Variants in CCNK observed in about 807,000 individuals in gnomAD.
CCNK encodes the protein cyclin K.
In CCNK, 9 loss-of-function variants were observed where a neutral mutation model predicts 65.0. That is an observed-to-expected ratio of 0.14 (90% CI 0.08 to 0.24). CCNK has a LOEUF of 0.24. CCNK is among the 10% of genes least tolerant of loss of function. The pLI is 1.00. For missense variants in CCNK, 474 were observed against 720.0 expected, an observed-to-expected ratio of 0.66 and a Z score of 3.91; for synonymous variants, 279 against 270.8, an observed-to-expected ratio of 1.03 and a Z score of -0.30.
In CCNK at chr14:99,502,976, C is replaced by G; in HGVS notation, c.1003C>G (p.Arg335Gly). The change falls in exon 8 of 11, where the codon CGA becomes GGA. Residue 335 changes from arginine (R) to glycine (G), a missense_variant. This residue lies in a region of CCNK where 229 missense variants were observed against 275.5 expected (regional missense o/e 0.83). Coordinates refer to ENST00000389879, the MANE Select transcript of CCNK (RefSeq NM_001099402.2). ...GCCCAGTTCTCCCCGACAGGTTAAG[C>G]GAGCCGTGGTGAGTGGGCTAAAGCA... ...PQPSSPRQVKRAVVVSPKEEN... is the reference protein window; with the variant it reads ...PQPSSPRQVKGAVVVSPKEEN... The G allele has an allele frequency of 6.2e-7, 1 of 1,613,972 alleles. No individual in the cohort carries two copies. Among genetic ancestry groups the G allele is most frequent in the South Asian group, 1.1e-5 (1 of 91,076 alleles).
intron 4 of CCNK, 31 bp downstream of exon 4, chr14:99,495,660 G>C (rs748585481): frequency 3.8e-6 from 6 of 1,585,360 alleles, no homozygotes; most frequent in Non-Finnish European, 4.3e-6. Flanking sequence ...CTGCCTTCTG[G>C]TCTTGATTCC....
At chr14:99,489,879 C>G (rs1015281674) in intron 1 of CCNK, among the ~76,000 whole-genome samples, 1 of 152,088 alleles carries the variant, frequency 6.6e-6, no homozygotes, top group African/African-American at 2.4e-5. Context: ...ATACTCATGT[C>G]TGTACTAAAG....
chr14:99,498,015 G>A (rs1449480141), intron 4 of CCNK, among the ~76,000 whole-genome samples: 1 of 152,214 alleles, frequency 6.6e-6, no homozygotes, highest in Non-Finnish European at 1.5e-5. Flanking sequence ...AAGTCTGATT[G>A]TAGGAACATG....
At chr14:99,496,217 A>G (rs1896697822) in intron 4 of CCNK, among the ~76,000 whole-genome samples, 1 of 152,224 alleles carries the variant, frequency 6.6e-6, no homozygotes, top group Admixed American at 6.5e-5. Flanking sequence ...GACCCATGGC[A>G]GTGTTCCTCC....
intron 9 of CCNK, chr14:99,504,398 C>CTT (rs200996508): frequency 1.5e-5 from 2 of 136,978 alleles, no homozygotes; most frequent in Non-Finnish European, 3.2e-5. Context: ...GATAGAGCTA[C>CTT]TTTTTTTTTT....
In CCNK at chr14:99,502,982, G is replaced by A. The variant is rs752948207; in HGVS notation, c.1009G>A (p.Val337Met). ...PSSPRQVKRA[V>M]VVSPKEENKA... is the part of the protein sequence containing the mutation. ...TTCTCCCCGACAGGTTAAGCGAGCC[G>A]TGGTGAGTGGGCTAAAGCAGGCCCT... The change falls in exon 8 of 11, where the codon GTG (valine) becomes ATG (methionine). Residue 337 changes from valine to methionine, a missense_variant and splice_region_variant. Transcript: ENST00000389879. The A allele has an allele frequency of 1.5e-5, 25 of 1,613,962 alleles. No homozygotes were observed. The highest frequency in any genetic ancestry group is 2.2e-5 in the East Asian group (1 of 44,878).
chr14:99,505,480 A>G (rs929511047), intron 9 of CCNK: 5 of 149,000 alleles, frequency 3.4e-5, no homozygotes, highest in Non-Finnish European at 7.4e-5. Flanking sequence ...ACATGTTGAA[A>G]TAAAATTTTC....
intron 3 of CCNK, chr14:99,494,750 T>A (rs1018921309): frequency 1.3e-5 from 2 of 152,196 alleles, no homozygotes; most frequent in Non-Finnish European, 2.9e-5. Context: ...TTAGACCCAA[T>A]AATTTACACA....
chr14:99,510,829 CGACTTGCA>C lies in CCNK; in HGVS notation c.*50_*57del. 7.3e-7 allele frequency: 1 copy of C among 1,375,774 alleles called. No individual in the cohort carries two copies. Among genetic ancestry groups the C allele is most frequent in the East Asian group, 2.7e-5 (1 of 36,794 alleles). The allele number at this position is 1,375,774 out of a possible 1,614,324, so 85.2% of individuals were successfully genotyped here. On this transcript the variant is annotated 3_prime_UTR_variant, in exon 11 of 11. Transcript: ENST00000389879. ...TGTTTTTTTAACAAGATTTTCTAATCGACTTGCAGAGTAGTTGAAGTGGGTAAGCAGCA... is the reference window on the plus strand; with the variant it reads ...TGTTTTTTTAACAAGATTTTCTAATCGAGTAGTTGAAGTGGGTAAGCAGCA...
chr14:99,505,441 C>T (rs183134096), intron 9 of CCNK: 27 of 152,332 alleles, frequency 1.8e-4, no homozygotes, highest in Admixed American at 1.2e-3. Context: ...GAACGTAAGA[C>T]ATCTCATTAG....
chr14:99,504,237 A>G (rs569668353), intron 9 of CCNK: 3 of 194,602 alleles, frequency 1.5e-5, no homozygotes, highest in East Asian at 3.5e-4. Context: ...CAGTCCACCT[A>G]TCATACTGAA....
chr14:99,510,888 T>C lies in CCNK; in HGVS notation c.*106T>C. The C allele has an allele frequency of 2.0e-6, 2 of 983,192 alleles. No homozygotes were observed. Among genetic ancestry groups the C allele is most frequent in the Non-Finnish European group, 2.7e-6 (2 of 739,918 alleles). 60.9% of individuals were successfully genotyped at this position (983,192 alleles called of 1,614,324 possible). ...GGGTACCTTGTATAATGCACGACAG[T>C]TGCAGTATGGGAAGAATGGACCGGG... On this transcript the variant is annotated 3_prime_UTR_variant, in exon 11 of 11. Transcript: ENST00000389879.
chr14:99,490,874 G>A (rs889979225), intron 1 of CCNK, among the ~76,000 whole-genome samples: 1 of 150,122 alleles, frequency 6.7e-6, no homozygotes, highest in Admixed American at 6.6e-5. Flanking sequence ...CTTGCAGTGA[G>A]CCGAGATCAT....
chr14:99,482,812 A>G (rs369149762), intron 1 of CCNK, among the ~76,000 whole-genome samples: 3 of 152,338 alleles, frequency 2.0e-5, no homozygotes, highest in African/African-American at 4.8e-5. Context: ...GCTGTGGCCT[A>G]TAAAATGGGC....
At chr14:99,510,062 GCTC>G in intron 10 of CCNK, 92 bp from the exon 11 acceptor site, 1 of 1,281,628 alleles carries the variant, frequency 7.8e-7, no homozygotes, top group East Asian at 2.5e-5. Flanking sequence ...GCTGCTCCCT[GCTC>G]CTCTGTAAAG....
chr14:99,501,925 A>C, intron 6 of CCNK: 1 of 276,666 alleles, frequency 3.6e-6, no homozygotes, highest in Non-Finnish European at 6.7e-6. Flanking sequence ...TAGGATTTCA[A>C]CAGTTTAAAT....
At chr14:99,484,427 A>T (rs1595302041) in intron 1 of CCNK, among the ~76,000 whole-genome samples, 1 of 150,884 alleles carries the variant, frequency 6.6e-6, no homozygotes, top group Admixed American at 6.6e-5. Context: ...TTGAAACACT[A>T]AAAAAAAAGA....
rs1595315498 is a variant in CCNK at position 99,501,586 on chromosome 14, G to A, written c.575+173G>A. ...CGTCCAGGTCATCTGCTTCCCGGCA[G>A]AGGGTTTCCTTCTGCCCTGCCGTGT... On this transcript the variant is annotated intron_variant, in intron 6 of 10. Coordinates refer to ENST00000389879, the MANE Select transcript of CCNK (RefSeq NM_001099402.2). 3 of 584,496 alleles carry A rather than the reference G, an allele frequency of 5.1e-6. No homozygotes were observed. The East Asian group carries it at 8.6e-5, about 17-fold the overall frequency. The allele number at this position is 584,496 out of a possible 1,614,324, so 36.2% of individuals were successfully genotyped here. A position where few individuals can be genotyped will look rare whatever the true frequency, so the allele number is the denominator to read the frequency against.
chr14:99,490,784 C>T (rs1173723306), intron 1 of CCNK, among the ~76,000 whole-genome samples: 1 of 151,986 alleles, frequency 6.6e-6, no homozygotes, highest in Non-Finnish European at 1.5e-5. Context: ...AAAAATTAGC[C>T]AGGCGTGGTG....
Sources: gnomAD v4.1 joint callset for allele counts (sites outside exome capture counted in the v4.1 genomes callset) on GRCh38, gnomAD v4.1.1 for gene constraint, gnomAD v4.1.1 regional missense constraint, MANE v1.5 for transcripts, NCBI Gene and HGNC (gene_info 2026-07-23, HGNC 2026-07-21) for gene names.